The following DNAI2 variants were observed in gnomAD, a reference collection of about 807,000 sequenced individuals.
DNAI2 encodes dynein, axonemal, intermediate polypeptide 2.
DNAI2 carries 63 observed loss-of-function variants against 74.7 expected under a neutral mutation model. The observed-to-expected ratio is 0.84, with a 90% CI of 0.69 to 1.04. The LOEUF (loss-of-function observed/expected upper bound fraction) is 1.04. Among genes scored for constraint, DNAI2 ranks in the 50% least tolerant of loss-of-function variants. The pLI is 0.00. For synonymous variants in DNAI2, 289 were observed against 314.9 expected, an observed-to-expected ratio of 0.92 and a Z score of 0.87; for missense variants, 688 against 803.2, an observed-to-expected ratio of 0.86 and a Z score of 1.73.
rs976900101 is a variant in DNAI2, at chr17:74,314,600, G to C, written c.*67G>C. On this transcript the variant is annotated 3_prime_UTR_variant, in exon 14 of 14. Coordinates refer to ENST00000311014, the MANE Select transcript of DNAI2 (RefSeq NM_023036.6). ...TTGTAACCTTGCAGACCCTCAACCA[G>C]ACTTGCATGGCCATGGCAGGGCCTC... The C allele has an allele frequency of 1.1e-5, 3 of 264,740 alleles. No homozygotes were observed. Among genetic ancestry groups the C allele is most frequent in the Non-Finnish European group, 2.3e-5 (3 of 131,422 alleles). The allele number at this position is 264,740 out of a possible 1,614,324, so 16.4% of individuals were successfully genotyped here.
At chr17:74,297,611 G>C (rs1338797846) in intron 6 of DNAI2, among the ~76,000 whole-genome samples, 1 of 148,740 alleles carries the variant, frequency 6.7e-6, no homozygotes, top group Non-Finnish European at 1.5e-5. Context: ...CAAACTCCTG[G>C]CCTCAAGTGA....
At position 74,292,834 on chromosome 17, in the gene DNAI2, C is replaced by CTT. The variant is rs34852424; in HGVS notation, c.724+1713_724+1714dup. 1.3e-3 allele frequency among the ~76,000 whole-genome samples: 184 copies of CTT among 141,000 alleles called. 1 individual carries two copies. The highest frequency in any genetic ancestry group is 3.3e-3 in the African/African-American group (124 of 37,984). The allele number at this position is 141,000 out of a possible 152,430, so 92.5% of individuals were successfully genotyped here. On this transcript the variant is annotated intron_variant, in intron 6 of 13. Transcript: ENST00000311014. The stretch of plus-strand genomic sequence containing the variant: ...CTGCTTATTGTCCGGTGTAGTTTTC[C>CTT]TTTTTTTTTTTTTGGGACGGAGTCT...
At chr17:74,287,147 G>A (rs1383469668) in intron 4 of DNAI2, 49 bp downstream of exon 4, 50 of 1,607,558 alleles carry the variant, frequency 3.1e-5, no homozygotes, top group Non-Finnish European at 4.2e-5. Flanking sequence ...TCACCCCCAT[G>A]CATGGGCGCC....
intron 1 of DNAI2, among the ~76,000 whole-genome samples, chr17:74,275,400 C>G (rs2051006964): frequency 6.6e-6 from 1 of 151,948 alleles, no homozygotes; most frequent in Non-Finnish European, 1.5e-5. Flanking sequence ...CCTCAGGACC[C>G]CGGAATTCCA....
Position 74,311,751 on chromosome 17 carries a change from G to T in DNAI2, c.1495-252G>T, listed in dbSNP as rs907039105. Among the ~76,000 whole-genome samples the T allele has an allele frequency of 1.1e-4, 16 of 152,306 alleles. No individual in the cohort carries two copies. The East Asian group carries it at 2.1e-3, about 20-fold the overall frequency. On this transcript the variant is annotated intron_variant, in intron 11 of 13. Coordinates refer to ENST00000311014, the MANE Select transcript of DNAI2 (RefSeq NM_023036.6). Reference sequence around the variant, plus strand: ...CCGCCATATTTCATAGCTCCAAAGGGCGCTCTTCTGCCTGTGGTTCTGGAA... The same window carrying T: ...CCGCCATATTTCATAGCTCCAAAGGTCGCTCTTCTGCCTGTGGTTCTGGAA...
In DNAI2 at chr17:74,314,157, G is replaced by A. The variant is rs777802690; in HGVS notation, c.1759G>A (p.Glu587Lys). The A allele has an allele frequency of 7.4e-6, 12 of 1,614,104 alleles. No individual in the cohort carries two copies. The highest frequency in any genetic ancestry group is 6.7e-5 in the African/African-American group (5 of 74,942). The change falls in exon 13 of 14, where the codon GAG becomes AAG. Residue 587 changes from glutamate to lysine, a missense_variant. Physicochemically the swap from Glu to Lys is moderately conservative, Grantham distance 56. Transcript: ENST00000311014. ...TCCAGAAGAAGACCAGGTGGTGGAGGAGGGAGAGGAAGCAGCGGGGGAAGA... is the reference window on the plus strand; with the variant it reads ...TCCAGAAGAAGACCAGGTGGTGGAGAAGGGAGAGGAAGCAGCGGGGGAAGA... Reference protein sequence around the residue: ...PSPEEDQVVEEGEEAAGEEGD... With the variant: ...PSPEEDQVVEKGEEAAGEEGD...
chr17:74,295,037 T>A (rs4375697), intron 6 of DNAI2, among the ~76,000 whole-genome samples: 2 of 151,768 alleles, frequency 1.3e-5, no homozygotes, highest in African/African-American at 2.4e-5. Flanking sequence ...CTGTAGCTTC[T>A]CTGCTATATT....
chr17:74,302,515 C>T (rs531246343), intron 8 of DNAI2, among the ~76,000 whole-genome samples: 1 of 151,828 alleles, frequency 6.6e-6, no homozygotes, highest in Non-Finnish European at 1.5e-5. Context: ...TGCGGTGAGC[C>T]AAGATCGCAT....
At position 74,275,936 on chromosome 17, in the gene DNAI2, G is replaced by A. The variant is rs114544856; in HGVS notation, c.-12+1591G>A. ...AGGGAAGGAAGTCCTCTCCTGCCAG[G>A]TGCCATGCAGGGCCCACCACTCGCA... On this transcript the variant is annotated intron_variant, in intron 1 of 13. Coordinates refer to ENST00000311014, the MANE Select transcript of DNAI2 (RefSeq NM_023036.6). Among the ~76,000 whole-genome samples the A allele has an allele frequency of 2.8e-3, 421 of 152,230 alleles. 5 individuals are homozygous for A. The highest frequency in any genetic ancestry group is 9.2e-3 in the African/African-American group (384 of 41,540).
In DNAI2 at chr17:74,284,821, T is replaced by G. The variant is rs149569965; in HGVS notation, c.184-219T>G. Among the ~76,000 whole-genome samples, 325 of 152,312 alleles carry G rather than the reference T, an allele frequency of 2.1e-3. 1 individual carries two copies. Among genetic ancestry groups the G allele is most frequent in the Non-Finnish European group, 3.6e-3 (242 of 68,026 alleles). ...GATTTTCATGACCACAGCTACCAGT[T>G]GCAAAGCTGCTTAGCTCCACAGGGT... On this transcript the variant is annotated intron_variant, in intron 2 of 13. Transcript: ENST00000311014.
chr17:74,300,914 C>T lies in DNAI2; in HGVS notation c.865-132C>T. On this transcript the variant is annotated intron_variant, in intron 7 of 13. Transcript: ENST00000311014. This position sits in a 1 kb window ranked among gnomAD's most constrained non-coding sequence, Gnocchi z 4.5. ...GCAATCCTCAAAGTGTATTTGCTCC[C>T]ACGAATTGCCGGGAGCTCCATCCTT... is the stretch of plus-strand genomic sequence containing the variant. 1.6e-6 allele frequency: 2 copies of T among 1,273,820 alleles called. No homozygotes were observed. Among genetic ancestry groups the T allele is most frequent in the South Asian group, 1.2e-5 (1 of 83,722 alleles). The allele number at this position is 1,273,820 out of a possible 1,614,324, so 78.9% of individuals were successfully genotyped here.
intron 11 of DNAI2, among the ~76,000 whole-genome samples, chr17:74,311,384 C>T (rs938602098): frequency 5.9e-5 from 9 of 152,166 alleles, no homozygotes; most frequent in Non-Finnish European, 1.2e-4. Context: ...GAGGCCGAGG[C>T]GGGCAGATCA....
chr17:74,291,024 C>A lies in DNAI2; in HGVS notation c.615C>A (p.Asn205Lys), dbSNP rs756035443. The change falls in exon 6 of 14, where the codon AAC becomes AAA. Residue 205 changes from asparagine (N) to lysine (K), a missense_variant. Transcript: ENST00000311014. The stretch of plus-strand genomic sequence containing the variant: ...TAATTTTTTTGTGCTTTATAGAAAA[C>A]CCCAACAAGCCTGAACTTGCTCTGA... ...SSDSYIWDLENPNKPELALKP... is the reference protein window; with the variant it reads ...SSDSYIWDLEKPNKPELALKP... 2 of 1,614,090 alleles carry A rather than the reference C, an allele frequency of 1.2e-6. No homozygotes were observed. Among genetic ancestry groups the A allele is most frequent in the East Asian group, 4.5e-5 (2 of 44,890 alleles).
chr17:74,310,459 C>CTT (rs1401400165), intron 11 of DNAI2, among the ~76,000 whole-genome samples: 16 of 143,840 alleles, frequency 1.1e-4, no homozygotes, highest in African/African-American at 3.5e-4. Flanking sequence ...TCAAATAACA[C>CTT]TTTTTTTTTT....
intron 1 of DNAI2, among the ~76,000 whole-genome samples, chr17:74,276,660 A>T (rs1051002523): frequency 6.6e-6 from 1 of 152,158 alleles, no homozygotes; most frequent in Non-Finnish European, 1.5e-5. Flanking sequence ...CTGCCTCCAG[A>T]CACAAGACAA....
In DNAI2 at chr17:74,286,995, A is replaced by G; in HGVS notation, c.364A>G (p.Lys122Glu). 6.2e-7 allele frequency: 1 copy of G among 1,613,884 alleles called. No homozygotes were observed. Among genetic ancestry groups the G allele is most frequent in the Non-Finnish European group, 8.5e-7 (1 of 1,179,824 alleles). The change falls in exon 4 of 14, where the codon AAG (lysine) becomes GAG (glutamate). Residue 122 changes from lysine (K) to glutamate (E), a missense_variant. Physicochemically the swap from Lys to Glu is moderately conservative, Grantham distance 56. Transcript: ENST00000311014. ...QLGSIMEHCIKQNNAIDIYEE... is the reference protein window; with the variant it reads ...QLGSIMEHCIEQNNAIDIYEE... ...CCCCTAGATCATGGAGCACTGCATC[A>G]AGCAGAACAATGCCATTGACATCTA...
chr17:74,284,176 T>A (rs1598275716), intron 2 of DNAI2, among the ~76,000 whole-genome samples: 1 of 140,234 alleles, frequency 7.1e-6, no homozygotes, highest in Non-Finnish European at 1.5e-5. Flanking sequence ...GTCAAGATCA[T>A]GCCACTGCAC....
At chr17:74,307,216 T>A in intron 9 of DNAI2, 1 of 456,072 alleles carries the variant, frequency 2.2e-6, no homozygotes, top group Non-Finnish European at 4.4e-6. Context: ...TCCTGCAGGC[T>A]GCCAGGGCTG....
At chr17:74,274,801 G>C (rs1311637132) in intron 1 of DNAI2, among the ~76,000 whole-genome samples, 1 of 152,230 alleles carries the variant, frequency 6.6e-6, no homozygotes, top group Non-Finnish European at 1.5e-5. Context: ...CTAGGTGGCA[G>C]GTGTTTTAAG....
Sources: allele counts gnomAD v4.1 joint callset (sites outside exome capture counted in the v4.1 genomes callset), GRCh38; gene constraint gnomAD v4.1.1; non-coding constraint Gnocchi (gnomAD v3.1); transcripts MANE v1.5; gene names NCBI Gene and HGNC (gene_info 2026-07-23, HGNC 2026-07-21).